CTTNBP2NL: variants seen among roughly 807,000 people sequenced by gnomAD.
CTTNBP2NL encodes CTTNBP2 N-terminal like.
Under a neutral mutation model 32.5 loss-of-function variants are expected in CTTNBP2NL, and 16 were observed. The ratio of observed to expected loss-of-function variants is 0.49; its 90% CI spans 0.33 to 0.75. CTTNBP2NL has a LOEUF of 0.75. Ranked by LOEUF, CTTNBP2NL falls within the 30% of genes least tolerant of loss-of-function variation. The probability of loss-of-function intolerance (pLI) is 0.02; values close to 1 mark genes in which losing one functional copy is unlikely to be tolerated. For synonymous variants in CTTNBP2NL, 298 were observed against 289.4 expected, an observed-to-expected ratio of 1.03 and a Z score of -0.30; for missense variants, 645 against 756.0, an observed-to-expected ratio of 0.85 and a Z score of 1.72.
Position 112,456,675 on chromosome 1 carries a change from G to C in CTTNBP2NL, c.1183G>C (p.Gly395Arg). The C allele has an allele frequency of 6.2e-7, 1 of 1,614,078 alleles. No homozygotes were observed. The highest frequency in any genetic ancestry group is 8.5e-7 in the Non-Finnish European group (1 of 1,180,022). Residue 395 changes from glycine (G) to arginine (R), a missense_variant, in exon 6 of 6, where the codon GGG becomes CGG. Physicochemically the swap from Gly to Arg is moderately radical, Grantham distance 125 (BLOSUM62 -2). Transcript: ENST00000271277. ...KPVENGGCPVGIETPVPMPSP... is the reference protein window; with the variant it reads ...KPVENGGCPVRIETPVPMPSP... ...AGTGGAGAATGGTGGGTGTCCTGTGGGGATTGAGACTCCAGTCCCAATGCC... is the reference window on the plus strand; with the variant it reads ...AGTGGAGAATGGTGGGTGTCCTGTGCGGATTGAGACTCCAGTCCCAATGCC...
At position 112,416,165 on chromosome 1, in the gene CTTNBP2NL, G is replaced by A. The variant is rs374078320; in HGVS notation, c.-1G>A. On this transcript the variant is annotated 5_prime_UTR_variant, in exon 3 of 6. Coordinates refer to ENST00000271277, the MANE Select transcript of CTTNBP2NL (RefSeq NM_018704.3). ...TGTTACCTTTGTTTCAGGCTTTCAA[G>A]ATGAATCTGGAAAAACTCAGCAAGC... is the stretch of plus-strand genomic sequence containing the variant. The A allele has an allele frequency of 1.9e-6, 3 of 1,565,466 alleles. No individual in the cohort carries two copies. The highest frequency in any genetic ancestry group is 8.7e-7 in the Non-Finnish European group (1 of 1,143,818).
intron 1 of CTTNBP2NL, among the ~76,000 whole-genome samples, chr1:112,407,510 T>C (rs1326617846): frequency 6.6e-6 from 1 of 152,166 alleles, no homozygotes; most frequent in Non-Finnish European, 1.5e-5. Flanking sequence ...ACCAGTCATA[T>C]TGGATTAGAG....
At chr1:112,398,689 T>C (rs1308169751) in intron 1 of CTTNBP2NL, among the ~76,000 whole-genome samples, 1 of 152,034 alleles carries the variant, frequency 6.6e-6, no homozygotes, top group East Asian at 1.9e-4. Flanking sequence ...CTCATCCCTG[T>C]AATCCTTGCT....
intron 3 of CTTNBP2NL, among the ~76,000 whole-genome samples, chr1:112,419,111 T>A (rs1011494839): frequency 3.3e-5 from 5 of 152,192 alleles, no homozygotes; most frequent in Admixed American, 2.6e-4. Flanking sequence ...GATGCCTCAA[T>A]CATAAAATAG....
intron 1 of CTTNBP2NL, among the ~76,000 whole-genome samples, chr1:112,401,706 G>C (rs1329025905): frequency 6.6e-6 from 1 of 152,108 alleles, no homozygotes; most frequent in Non-Finnish European, 1.5e-5. Context: ...AACATGAAAG[G>C]CGGGAGTTTG....
At chr1:112,445,119 A>G (rs1027667950) in intron 3 of CTTNBP2NL, among the ~76,000 whole-genome samples, 1 of 152,224 alleles carries the variant, frequency 6.6e-6, no homozygotes, top group Non-Finnish European at 1.5e-5. Flanking sequence ...TGAGTAAGTA[A>G]GCATGGAAGT....
At chr1:112,423,685 CA>C (rs1241715728) in intron 3 of CTTNBP2NL, among the ~76,000 whole-genome samples, 1 of 152,092 alleles carries the variant, frequency 6.6e-6, no homozygotes, top group Non-Finnish European at 1.5e-5. Flanking sequence ...TTTTGAAGAG[CA>C]AAAGTTTTTC....
chr1:112,435,083 T>C (rs949115707), intron 3 of CTTNBP2NL, among the ~76,000 whole-genome samples: 2 of 132,056 alleles, frequency 1.5e-5, no homozygotes, highest in African/African-American at 2.9e-5. Context: ...GCAGAGATTG[T>C]AGCAAGCCGA....
At chr1:112,413,587 A>C (rs934790889) in intron 2 of CTTNBP2NL, among the ~76,000 whole-genome samples, 1 of 152,126 alleles carries the variant, frequency 6.6e-6, no homozygotes, top group African/African-American at 2.4e-5. Flanking sequence ...ACCAAGCTAC[A>C]TGTTCTTTCC....
rs748820970 is a variant in CTTNBP2NL at position 112,456,075 on chromosome 1, G to A, written c.583G>A (p.Glu195Lys). Reference sequence around the variant, plus strand: ...CAAGAAAGCCACCAACAAGGCAGCCGAGGAAGGACAGAAGGCAGGAGAGCT... The same window carrying A: ...CAAGAAAGCCACCAACAAGGCAGCCAAGGAAGGACAGAAGGCAGGAGAGCT... Reference protein sequence around the residue: ...ECKKATNKAAEEGQKAGELSL... With the variant: ...ECKKATNKAAKEGQKAGELSL... The change falls in exon 6 of 6, where the codon GAG becomes AAG. Residue 195 changes from glutamate (E) to lysine (K), a missense_variant. Transcript: ENST00000271277. 11 of 1,614,164 alleles carry A rather than the reference G, an allele frequency of 6.8e-6. No homozygotes were observed. Among genetic ancestry groups the A allele is most frequent in the Middle Eastern group, 1.6e-4 (1 of 6,062 alleles).
At chr1:112,447,421 T>C (rs1330772502) in intron 3 of CTTNBP2NL, among the ~76,000 whole-genome samples, 1 of 152,154 alleles carries the variant, frequency 6.6e-6, no homozygotes, top group East Asian at 1.9e-4. Context: ...GATTTCTCTC[T>C]TCATATTTCC....
At chr1:112,434,574 A>C (rs1649671922) in intron 3 of CTTNBP2NL, among the ~76,000 whole-genome samples, 3 of 152,130 alleles carry the variant, frequency 2.0e-5, no homozygotes, top group Non-Finnish European at 4.4e-5. Context: ...TTTGTAACCT[A>C]ACCATCATTA....
intron 3 of CTTNBP2NL, among the ~76,000 whole-genome samples, chr1:112,447,649 TA>T (rs143454169): frequency 5.3e-5 from 8 of 149,972 alleles, no homozygotes; most frequent in Admixed American, 6.7e-5. Flanking sequence ...ACTTCTGTGT[TA>T]AAAAAAAAAC....
chr1:112,426,041 A>G (rs1304687713), intron 3 of CTTNBP2NL, among the ~76,000 whole-genome samples: 1 of 150,774 alleles, frequency 6.6e-6, no homozygotes, highest in Non-Finnish European at 1.5e-5. Context: ...ACTTCAGTAC[A>G]ATGTCAAGTA....
At chr1:112,455,816 C>A (rs114862071) in intron 5 of CTTNBP2NL, 115 bp from the exon 6 acceptor site, 2 of 707,304 alleles carry the variant, frequency 2.8e-6, no homozygotes, top group South Asian at 2.2e-5. Context: ...TTCAGAAATA[C>A]TTGATCTAAG....
chr1:112,406,497 G>T (rs1237622781), intron 1 of CTTNBP2NL, among the ~76,000 whole-genome samples: 1 of 152,150 alleles, frequency 6.6e-6, no homozygotes, highest in Admixed American at 6.5e-5. Context: ...TATGCCTCAG[G>T]TTTCTCATCT....
At chr1:112,428,533 A>T (rs1166090335) in intron 3 of CTTNBP2NL, among the ~76,000 whole-genome samples, 1 of 152,184 alleles carries the variant, frequency 6.6e-6, no homozygotes, top group Non-Finnish European at 1.5e-5. Context: ...CAGTAAAAAG[A>T]TTGCAGAGTT....
intron 3 of CTTNBP2NL, among the ~76,000 whole-genome samples, chr1:112,438,816 T>C (rs1280877355): frequency 6.6e-6 from 1 of 152,206 alleles, no homozygotes; most frequent in Non-Finnish European, 1.5e-5. Flanking sequence ...TGTGCCTTAC[T>C]GCAGTGATGA....
At chr1:112,443,420 G>C (rs1450320207) in intron 3 of CTTNBP2NL, among the ~76,000 whole-genome samples, 1 of 152,160 alleles carries the variant, frequency 6.6e-6, no homozygotes, top group African/African-American at 2.4e-5. Flanking sequence ...CACCATGTTG[G>C]CCAGGCTGGT....
Sources: gnomAD v4.1 joint callset for allele counts (sites outside exome capture counted in the v4.1 genomes callset) on GRCh38, gnomAD v4.1.1 for gene constraint, MANE v1.5 for transcripts, NCBI Gene and HGNC (gene_info 2026-07-23, HGNC 2026-07-21) for gene names.